ITGB2: variants seen among roughly 807,000 people sequenced by gnomAD.
The protein encoded by ITGB2 is integrin subunit beta 2.
In ITGB2, 56 loss-of-function variants were observed where a neutral mutation model predicts 86.8. The ratio of observed to expected loss-of-function variants is 0.65; its 90% CI spans 0.52 to 0.81. The LOEUF (loss-of-function observed/expected upper bound fraction) is 0.81, where lower values mean the gene tolerates loss of function less well. ITGB2 is among the 30% of genes least tolerant of loss of function. ITGB2 has a pLI of 0.00. For synonymous variants in ITGB2, 457 were observed against 450.4 expected, an observed-to-expected ratio of 1.01 and a Z score of -0.19; for missense variants, 948 against 1,061.2, an observed-to-expected ratio of 0.89 and a Z score of 1.48.
chr21:44,889,593 C>T (rs2083755384), intron 12 of ITGB2, 98 bp from the exon 13 acceptor site: 1 of 1,112,510 alleles, frequency 9.0e-7, no homozygotes, highest in Admixed American at 2.0e-5. Context: ...CCGCCTGCCT[C>T]CTCCAGCCTG....
chr21:44,925,850 G>T (rs749274683), upstream of ITGB2, among the ~76,000 whole-genome samples: 3 of 152,168 alleles, frequency 2.0e-5, no homozygotes, highest in Non-Finnish European at 4.4e-5. Flanking sequence ...AGGCCGAGGC[G>T]GGTGGATCAC....
intron 12 of ITGB2, 66 bp downstream of exon 12, chr21:44,889,912 C>A (rs112883974): frequency 1.3e-6 from 2 of 1,599,292 alleles, no homozygotes; most frequent in Non-Finnish European, 1.7e-6. Context: ...TGGTCCAGAA[C>A]GCACCCCCCA....
intron 9 of ITGB2, chr21:44,894,711 C>A: frequency 1.9e-6 from 1 of 528,658 alleles, no homozygotes; most frequent in Non-Finnish European, 3.4e-6. Flanking sequence ...AGAGAAGAGT[C>A]TGGAATGAAG....
intron 8 of ITGB2, among the ~76,000 whole-genome samples, chr21:44,895,713 C>A (rs933747993): frequency 4.0e-5 from 6 of 150,242 alleles, no homozygotes; most frequent in Non-Finnish European, 4.4e-5. Context: ...TGGTGGTGGG[C>A]ACCTGTAAGC....
rs919339617 is a variant in ITGB2 at position 44,901,837 on chromosome 21, G to C, written c.500-104C>G. 4 of 1,313,116 alleles carry C rather than the reference G, an allele frequency of 3.0e-6. No individual in the cohort carries two copies. In the Admixed American group the frequency reaches 7.3e-5, roughly 24 times the overall value. 81.3% of individuals were successfully genotyped at this position (1,313,116 alleles called of 1,614,324 possible). ...CAAGCCTGTTTCCTCTCTCCTAGCA[G>C]GGAGGTGGAGAAAGCAAGATGGCAC... On this transcript the variant is annotated intron_variant, in intron 5 of 15. Coordinates refer to ENST00000652462, the MANE Select transcript of ITGB2 (RefSeq NM_000211.5).
chr21:44,893,810 G>T (rs1601291266), intron 9 of ITGB2: 2 of 467,272 alleles, frequency 4.3e-6, no homozygotes, highest in East Asian at 8.9e-5. Flanking sequence ...CTGCTCCTCA[G>T]CCTTGAGTCC....
chr21:44,923,920 G>T (rs1394488078), upstream of ITGB2, among the ~76,000 whole-genome samples: 1 of 152,104 alleles, frequency 6.6e-6, no homozygotes, highest in Admixed American at 6.5e-5. Context: ...TACTAACGAA[G>T]ATATCGTGTA....
rs780404798 is a variant in ITGB2 at position 44,886,338 on chromosome 21, T to A, written c.*30A>T. On this transcript the variant is annotated 3_prime_UTR_variant, in exon 16 of 16. Coordinates refer to ENST00000652462, the MANE Select transcript of ITGB2 (RefSeq NM_000211.5). The stretch of plus-strand genomic sequence containing the variant: ...CGCGTGATGGGGCAGACATGGTGGG[T>A]CCTGACGGCCTTGTCTTCACCAAGT... 6.2e-7 allele frequency: 1 copy of A among 1,603,384 alleles called. No homozygotes were observed. The highest frequency in any genetic ancestry group is 1.1e-5 in the South Asian group (1 of 90,876).
rs2084293315 is a variant in ITGB2, at chr21:44,920,823, T to G, written c.-6A>C. 1 of 152,482 alleles carries G rather than the reference T, an allele frequency of 6.6e-6. No individual in the cohort carries two copies. The highest frequency in any genetic ancestry group is 1.5e-5 in the Non-Finnish European group (1 of 68,286). 9.4% of individuals were successfully genotyped at this position (152,482 alleles called of 1,614,324 possible). On this transcript the variant is annotated splice_region_variant and 5_prime_UTR_variant, in exon 1 of 16. Coordinates refer to ENST00000652462, the MANE Select transcript of ITGB2 (RefSeq NM_000211.5). ...TAGCGGGGCCTCTGCACACTCACCCTCGGTGTGCTGGAGTCCTCGGCGGTG... is the reference window on the plus strand; with the variant it reads ...TAGCGGGGCCTCTGCACACTCACCCGCGGTGTGCTGGAGTCCTCGGCGGTG...
chr21:44,919,972 G>T (rs2084276262), intron 1 of ITGB2, among the ~76,000 whole-genome samples: 1 of 152,188 alleles, frequency 6.6e-6, no homozygotes. Context: ...CTCCCACCAG[G>T]ACCTTGGGAA....
intron 7 of ITGB2, among the ~76,000 whole-genome samples, 200 bp from the exon 8 acceptor site, chr21:44,899,362 G>C (rs955663632): frequency 1.3e-5 from 2 of 152,238 alleles, no homozygotes; most frequent in Non-Finnish European, 2.9e-5. Context: ...GCATAGACTC[G>C]GGCTTTCAGA....
chr21:44,892,733 C>CA (rs547041931), intron 10 of ITGB2, among the ~76,000 whole-genome samples: 1,953 of 126,272 alleles, frequency 0.015, 26 homozygotes, highest in Non-Finnish European at 0.018. Flanking sequence ...TCACAGCTAG[C>CA]AAAAAAAAAA....
At position 44,901,837 on chromosome 21, in the gene ITGB2, G is replaced by A. The variant is rs919339617; in HGVS notation, c.500-104C>T. The A allele has an allele frequency of 3.8e-6, 5 of 1,313,116 alleles. No homozygotes were observed. The African/African-American group carries it at 4.4e-5, about 12-fold the overall frequency. The allele number at this position is 1,313,116 out of a possible 1,614,324, so 81.3% of individuals were successfully genotyped here. A position where few individuals can be genotyped will look rare whatever the true frequency, so the allele number is the denominator to read the frequency against. On this transcript the variant is annotated intron_variant, in intron 5 of 15. Coordinates refer to ENST00000652462, the MANE Select transcript of ITGB2 (RefSeq NM_000211.5). ...CAAGCCTGTTTCCTCTCTCCTAGCA[G>A]GGAGGTGGAGAAAGCAAGATGGCAC...
chr21:44,914,250 A>G (rs118181594), intron 1 of ITGB2: 2,829 of 152,570 alleles, frequency 0.019, 27 homozygotes, highest in Non-Finnish European at 0.028. Context: ...ACAGCCCCAC[A>G]GGCCTCTCAG....
chr21:44,911,722 C>T (rs915541427), intron 1 of ITGB2, among the ~76,000 whole-genome samples: 2 of 152,246 alleles, frequency 1.3e-5, no homozygotes, highest in African/African-American at 4.8e-5. Flanking sequence ...CAGCCAGGGG[C>T]GGCTCAGTGG....
chr21:44,900,385 T>C lies in ITGB2; in HGVS notation c.832A>G (p.Ile278Val). The change falls in exon 7 of 16, where the codon ATC becomes GTC. Residue 278 changes from isoleucine (I) to valine (V), a missense_variant. Physicochemically the swap from Ile to Val is conservative, Grantham distance 29 (BLOSUM62 3). Coordinates refer to ENST00000652462, the MANE Select transcript of ITGB2 (RefSeq NM_000211.5). ...HFAGDGKLGA[I>V]LTPNDGRCHL... ...CAGCGGCCGTCGTTGGGGGTCAGGA[T>C]GGCGCCCAGCTTCCCGTCGCCCGCG... 1.2e-6 allele frequency: 2 copies of C among 1,614,166 alleles called. No homozygotes were observed. The highest frequency in any genetic ancestry group is 1.7e-6 in the Non-Finnish European group (2 of 1,180,008).
In ITGB2 at chr21:44,886,777, T is replaced by G. The variant is rs1483604976; in HGVS notation, c.2206A>C (p.Arg736=). 1 of 1,613,904 alleles carries G rather than the reference T, an allele frequency of 6.2e-7. No individual in the cohort carries two copies. Among genetic ancestry groups the G allele is most frequent in the East Asian group, 2.2e-5 (1 of 44,896 alleles). ...TTGAGCTTCTCCTTCTCAAAGCGCC[T>G]GTACTCCCGGAGGTCGCTCAGGTGG... ...LIHLSDLREY[R]RFEKEKLKSQ... is the part of the protein sequence containing the mutation. The change falls in exon 15 of 16, where the codon AGG becomes CGG. Residue 736 remains arginine (R), a synonymous_variant. Transcript: ENST00000652462.
chr21:44,895,505 G>A (rs1361682931), intron 8 of ITGB2, among the ~76,000 whole-genome samples: 1 of 152,126 alleles, frequency 6.6e-6, no homozygotes, highest in Non-Finnish European at 1.5e-5. Context: ...ACTCCAGCCT[G>A]GGCGACAGAG....
chr21:44,898,946 G>A (rs571004987), intron 8 of ITGB2, 121 bp downstream of exon 8: 12 of 814,456 alleles, frequency 1.5e-5, no homozygotes, highest in African/African-American at 5.1e-5. Flanking sequence ...GACCTGGGCC[G>A]GCTGGTTGCT....
Sources: allele counts gnomAD v4.1 joint callset (sites outside exome capture counted in the v4.1 genomes callset), GRCh38; gene constraint gnomAD v4.1.1; transcripts MANE v1.5; gene names NCBI Gene and HGNC (gene_info 2026-07-23, HGNC 2026-07-21).